SOHLH1: variants seen among roughly 807,000 people sequenced by gnomAD.
SOHLH1 encodes spermatogenesis- and oogenesis-specific basic helix-loop-helix-containing protein 1.
A neutral mutation model predicts 36.2 loss-of-function variants in SOHLH1; 23 were observed. The ratio of observed to expected loss-of-function variants is 0.64; its 90% CI spans 0.46 to 0.90. The LOEUF (loss-of-function observed/expected upper bound fraction) is 0.90, where lower values mean the gene tolerates loss of function less well. Among genes scored for constraint, SOHLH1 ranks in the 40% least tolerant of loss-of-function variants. The pLI is 0.00. For synonymous variants in SOHLH1, 289 were observed against 228.3 expected (o/e 1.27, Z -2.40); for missense variants, 608 against 517.0 (o/e 1.18, Z -1.71).
chr9:135,701,269 G>A (rs1835026136), upstream of SOHLH1, among the ~76,000 whole-genome samples: 1 of 152,104 alleles, frequency 6.6e-6, no homozygotes, highest in South Asian at 2.1e-4. Flanking sequence ...GCTGCCTCCT[G>A]GAGAAACAGG....
At chr9:135,694,973 T>C in intron 6 of SOHLH1, 77 bp downstream of exon 6, 2 of 1,433,550 alleles carry the variant, frequency 1.4e-6, no homozygotes, top group African/African-American at 1.4e-5. Flanking sequence ...CAAGCAGGAC[T>C]GGGAGGAGGT....
At chr9:135,694,528 G>C in intron 6 of SOHLH1, 71 bp from the exon 7 acceptor site, 2 of 1,582,198 alleles carry the variant, frequency 1.3e-6, no homozygotes, top group Non-Finnish European at 1.7e-6. Context: ...AAACATTTGG[G>C]CCCAAGTCCT....
chr9:135,697,771 T>C, intron 3 of SOHLH1, 144 bp from the exon 4 acceptor site: 1 of 1,005,928 alleles, frequency 9.9e-7, no homozygotes, highest in Non-Finnish European at 1.5e-6. Flanking sequence ...AGAGTACAGG[T>C]TGACAACGAG....
chr9:135,698,999 G>C lies in SOHLH1; in HGVS notation c.193C>G (p.Arg65Gly). 6.2e-7 allele frequency: 1 copy of C among 1,611,408 alleles called. No homozygotes were observed. The highest frequency in any genetic ancestry group is 1.7e-5 in the Admixed American group (1 of 60,004). The change falls in exon 2 of 8, where the codon CGC (arginine) becomes GGC (glycine). Residue 65 changes from arginine (R) to glycine (G), a missense_variant. Transcript: ENST00000425225. ...CTGGGAGGCACCACCACTCACCTGC[G>C]CTCCCTCTCGCTGATCACGTTCCGC... ...LRRNVISERE[R>G]RKRMSLSCER...
At chr9:135,701,004 C>T (rs944936879), upstream of SOHLH1, among the ~76,000 whole-genome samples, 5 of 152,218 alleles carry the variant, frequency 3.3e-5, no homozygotes, top group African/African-American at 4.8e-5. Context: ...GATGGTGCGG[C>T]CTCTCAGTTT....
In SOHLH1 at chr9:135,697,624, G is replaced by C. The variant is rs762492015; in HGVS notation, c.349C>G (p.Leu117Val). 24 of 1,611,058 alleles carry C rather than the reference G, an allele frequency of 1.5e-5. No individual in the cohort carries two copies. The highest frequency in any genetic ancestry group is 1.6e-4 in the Middle Eastern group (1 of 6,068). ...LGPSQEQHAI[L>V]ASSKEMWHSL... ...TGCCACATTTCCTTGGAGGAAGCAA[G>C]AATCTGAAATTTAAGTAAACATGTA... The change falls in exon 4 of 8, where the codon CTT (leucine) becomes GTT (valine). Residue 117 changes from leucine (L) to valine (V), a missense_variant. By Grantham distance (32) the Leu-to-Val change is conservative. Coordinates refer to ENST00000425225, the MANE Select transcript of SOHLH1 (RefSeq NM_001101677.2).
intron 5 of SOHLH1, 127 bp from the exon 6 acceptor site, chr9:135,695,390 T>G: frequency 2.5e-6 from 2 of 790,198 alleles, no homozygotes; most frequent in Non-Finnish European, 4.2e-6. Flanking sequence ...GCCTGCACCC[T>G]GCAGCAGGGA....
rs373116244 is a variant in SOHLH1, at chr9:135,693,655, G to T, written c.1106C>A (p.Ala369Glu). The T allele has an allele frequency of 3.2e-5, 51 of 1,587,990 alleles. No individual in the cohort carries two copies. The Middle Eastern group carries it at 6.6e-4, about 21-fold the overall frequency. ...CACCTCGTCCTTCAGGGCCAGGCCT[G>T]CACAGTCCACATCCAGGCCCCACGG... ...LEPWGLDVDC[A>E]GLALKDEVES... is the part of the protein sequence containing the mutation. Residue 369 changes from alanine (A) to glutamate (E), a missense_variant, in exon 8 of 8, where the codon GCA becomes GAA. Coordinates refer to ENST00000425225, the MANE Select transcript of SOHLH1 (RefSeq NM_001101677.2).
chr9:135,694,174 C>T lies in SOHLH1; in HGVS notation c.946+213G>A, dbSNP rs915773705. ...AGCACCGCCAGCTCTCATGCAGGCT[C>T]GTCCACATCACGTTCACTCACACAC... On this transcript the variant is annotated intron_variant, in intron 7 of 7. Transcript: ENST00000425225. The T allele has an allele frequency of 2.1e-6, 3 of 1,437,628 alleles. No individual in the cohort carries two copies. In the African/African-American group the frequency reaches 4.3e-5, roughly 21 times the overall value. The allele number at this position is 1,437,628 out of a possible 1,614,324, so 89.1% of individuals were successfully genotyped here.
chr9:135,696,729 G>A lies in SOHLH1; in HGVS notation c.544C>T (p.His182Tyr). ...PASASPEPVPHILASSRQWDP... is the reference protein window; with the variant it reads ...PASASPEPVPYILASSRQWDP... The stretch of plus-strand genomic sequence containing the variant: ...CACTGCCTGGAGGACGCAAGGATGT[G>A]CGGCACGGGCTCTGGGCTGGCCGAC... Residue 182 changes from histidine (H) to tyrosine (Y), a missense_variant, in exon 5 of 8, where the codon CAC becomes TAC. Coordinates refer to ENST00000425225, the MANE Select transcript of SOHLH1 (RefSeq NM_001101677.2). The A allele has an allele frequency of 1.2e-6, 2 of 1,613,034 alleles. No individual in the cohort carries two copies. The highest frequency in any genetic ancestry group is 1.7e-6 in the Non-Finnish European group (2 of 1,179,992).
intron 2 of SOHLH1, 100 bp downstream of exon 2, chr9:135,698,895 C>T: frequency 6.4e-7 from 1 of 1,552,404 alleles, no homozygotes; most frequent in East Asian, 2.2e-5. Context: ...AGGCCACGAG[C>T]CCCTCCCAGC....
intron 3 of SOHLH1, 108 bp from the exon 4 acceptor site, chr9:135,697,735 C>G: frequency 7.3e-7 from 1 of 1,377,816 alleles, no homozygotes; most frequent in Non-Finnish European, 1.0e-6. Context: ...ACTGTGAGCT[C>G]GGTCCCCGCT....
In SOHLH1 at chr9:135,693,831, C is replaced by T. The variant is rs1464333380; in HGVS notation, c.947-17G>A. On this transcript the variant is annotated splice_polypyrimidine_tract_variant and intron_variant, in intron 7 of 7. Coordinates refer to ENST00000425225, the MANE Select transcript of SOHLH1 (RefSeq NM_001101677.2). ...CCAGAGACCCTGGAAGCAAACAGGA[C>T]ACATCGGCAGGGCAGGCAGGTGCTC... is the stretch of plus-strand genomic sequence containing the variant. 1.9e-6 allele frequency: 3 copies of T among 1,542,992 alleles called. No homozygotes were observed. Among genetic ancestry groups the T allele is most frequent in the Admixed American group, 3.8e-5 (2 of 52,076 alleles).
At position 135,699,013 on chromosome 9, in the gene SOHLH1, A is replaced by G. The variant is rs1483622786; in HGVS notation, c.179T>C (p.Ile60Thr). The G allele has an allele frequency of 1.2e-6, 2 of 1,611,532 alleles. No individual in the cohort carries two copies. Among genetic ancestry groups the G allele is most frequent in the Non-Finnish European group, 1.7e-6 (2 of 1,179,722 alleles). Residue 60 changes from isoleucine to threonine, a missense_variant, in exon 2 of 8, where the codon ATC becomes ACC. By Grantham distance (89) the Ile-to-Thr change is moderately conservative. Transcript: ENST00000425225. ...CACTCACCTGCGCTCCCTCTCGCTG[A>G]TCACGTTCCGCCGAAGGCAGGAGCT... ...GPSSCLRRNV[I>T]SERERRKRMS...
intron 7 of SOHLH1, chr9:135,694,120 A>G: frequency 4.2e-6 from 6 of 1,428,952 alleles, no homozygotes; most frequent in Non-Finnish European, 5.5e-6. Flanking sequence ...TCGCTGACAC[A>G]GGGTCAAGGG....
rs1205073539 is a variant in SOHLH1 at position 135,694,111 on chromosome 9, C to T, written c.946+276G>A. 6 of 1,429,486 alleles carry T rather than the reference C, an allele frequency of 4.2e-6. No individual in the cohort carries two copies. The East Asian group carries it at 7.5e-5, about 18-fold the overall frequency. 88.6% of individuals were successfully genotyped at this position (1,429,486 alleles called of 1,614,324 possible). A position where few individuals can be genotyped will look rare whatever the true frequency, so the allele number is the denominator to read the frequency against. The stretch of plus-strand genomic sequence containing the variant: ...CCAGCACGGGCTGGACCAGGGGCCT[C>T]GCTGACACAGGGTCAAGGGGAAGAA... On this transcript the variant is annotated intron_variant, in intron 7 of 7. Transcript: ENST00000425225.
chr9:135,695,423 C>T (rs1050265476), intron 5 of SOHLH1, among the ~76,000 whole-genome samples, 160 bp from the exon 6 acceptor site: 2 of 152,100 alleles, frequency 1.3e-5, no homozygotes, highest in Admixed American at 6.5e-5. Context: ...AGCTCAGAAG[C>T]GGGTGGCACA....
intron 7 of SOHLH1, chr9:135,694,024 A>G: frequency 1.4e-6 from 2 of 1,427,084 alleles, no homozygotes; most frequent in South Asian, 3.1e-5. Flanking sequence ...ACGGGCTCCC[A>G]AACACTAAAT....
chr9:135,697,418 C>G, intron 4 of SOHLH1, 88 bp downstream of exon 4: 1 of 1,558,484 alleles, frequency 6.4e-7, no homozygotes, highest in Non-Finnish European at 8.7e-7. Context: ...CTCCAGGCCA[C>G]ACCCTCCCGA....
Sources: allele counts gnomAD v4.1 joint callset (sites outside exome capture counted in the v4.1 genomes callset), GRCh38; gene constraint gnomAD v4.1.1; transcripts MANE v1.5; gene names NCBI Gene and HGNC (gene_info 2026-07-23, HGNC 2026-07-21).